TRIM2: variants seen among roughly 807,000 people sequenced by gnomAD.
The protein encoded by TRIM2 is tripartite motif containing 2, also known as tripartite motif-containing protein 2.
TRIM2 carries 20 observed loss-of-function variants against 75.2 expected under a neutral mutation model. That is an observed-to-expected ratio of 0.27 (90% CI 0.19 to 0.39). TRIM2 has a LOEUF of 0.39. Ranked by LOEUF, TRIM2 falls within the 10% of genes least tolerant of loss-of-function variation. The pLI, the probability that TRIM2 is intolerant of heterozygous loss-of-function variation, is 1.00. For missense variants in TRIM2, 660 were observed against 990.8 expected (o/e 0.67, Z 4.48); for synonymous variants, 373 against 388.3 (o/e 0.96, Z 0.46).
chr4:153,163,441 C>A (rs1056209280), intron 1 of TRIM2, among the ~76,000 whole-genome samples: 1 of 151,604 alleles, frequency 6.6e-6, no homozygotes, highest in Non-Finnish European at 1.5e-5. Flanking sequence ...GCCTCAGCCT[C>A]CCAAAGTGCT....
At chr4:153,245,687 ATTTAT>A (rs1748946990) in intron 1 of TRIM2, among the ~76,000 whole-genome samples, 1 of 152,138 alleles carries the variant, frequency 6.6e-6, no homozygotes, top group African/African-American at 2.4e-5. Flanking sequence ...TTATATACTT[ATTTAT>A]TTTGAGACAG....
intron 1 of TRIM2, among the ~76,000 whole-genome samples, chr4:153,244,437 T>TCTTCTTCTTCTTCCTCTTCTTC (rs1206105496): frequency 2.0e-5 from 2 of 102,522 alleles, no homozygotes; most frequent in African/African-American, 5.4e-5. Context: ...TTCTTCTTCT[T>TCTTCTTCTTCTTCCTCTTCTTC]TTAATTAGAG....
At chr4:153,320,584 C>T (rs544572079) in intron 8 of TRIM2, among the ~76,000 whole-genome samples, 4 of 152,164 alleles carry the variant, frequency 2.6e-5, no homozygotes, top group Non-Finnish European at 2.9e-5. Flanking sequence ...TCAGACTACA[C>T]TCATTGTTCC....
At chr4:153,322,108 T>A (rs1769125124) in intron 8 of TRIM2, among the ~76,000 whole-genome samples, 1 of 152,068 alleles carries the variant, frequency 6.6e-6, no homozygotes, top group South Asian at 2.1e-4. Flanking sequence ...GTGATCTCTT[T>A]TAAGAATAAG....
chr4:153,203,234 C>G (rs1486566883), upstream of TRIM2, among the ~76,000 whole-genome samples: 1 of 151,702 alleles, frequency 6.6e-6, no homozygotes, highest in African/African-American at 2.4e-5. Context: ...TGCTCATGGT[C>G]TGGCATGATT....
At chr4:153,287,511 A>G (rs1183794893) in intron 3 of TRIM2, among the ~76,000 whole-genome samples, 1 of 151,874 alleles carries the variant, frequency 6.6e-6, no homozygotes, top group Non-Finnish European at 1.5e-5. Context: ...CTATTCCTCC[A>G]TTACTGCCTT....
intron 1 of TRIM2, among the ~76,000 whole-genome samples, chr4:153,207,150 A>G (rs1341262808): frequency 1.3e-5 from 2 of 152,162 alleles, no homozygotes; most frequent in Admixed American, 1.3e-4. Flanking sequence ...CTTCCTCATG[A>G]TTCACACTTC....
chr4:153,190,862 C>T (rs1424171829), intron 1 of TRIM2, among the ~76,000 whole-genome samples: 10 of 152,180 alleles, frequency 6.6e-5, no homozygotes, highest in African/African-American at 1.7e-4. Context: ...CTCAGCACCC[C>T]GGGTAGCTGG....
Position 153,204,579 on chromosome 4 carries a change from G to A in TRIM2, c.30+19G>A. ...AACGCAGGTAAGGACGCTTCTCAAT[G>A]TGGGATAATTCTTTTTCTGGGCCAG... is the stretch of plus-strand genomic sequence containing the variant. On this transcript the variant is annotated intron_variant, in intron 1 of 11. Coordinates refer to ENST00000338700, the MANE Select transcript of TRIM2 (RefSeq NM_015271.5). The A allele has an allele frequency of 6.4e-7, 1 of 1,551,740 alleles. No individual in the cohort carries two copies. Among genetic ancestry groups the A allele is most frequent in the Non-Finnish European group, 8.7e-7 (1 of 1,147,002 alleles).
chr4:153,326,566 G>A (rs1313406476), intron 10 of TRIM2, among the ~76,000 whole-genome samples: 1 of 152,226 alleles, frequency 6.6e-6, no homozygotes, highest in Non-Finnish European at 1.5e-5. Context: ...GCTATCTGCA[G>A]AATATATTTT....
chr4:153,192,593 A>C (rs1366960549), intron 1 of TRIM2, among the ~76,000 whole-genome samples: 1 of 119,782 alleles, frequency 8.3e-6, no homozygotes, highest in African/African-American at 3.4e-5. Flanking sequence ...AGTGACAGAG[A>C]CCCTATCTCA....
At chr4:153,333,512 G>C (rs548424603) in intron 11 of TRIM2, among the ~76,000 whole-genome samples, 1 of 152,306 alleles carries the variant, frequency 6.6e-6, no homozygotes, top group Non-Finnish European at 1.5e-5. Context: ...AGGAAACTGA[G>C]TGAAGAGTAC....
At chr4:153,266,341 T>TG (rs954832857) in intron 1 of TRIM2, among the ~76,000 whole-genome samples, 1 of 122,882 alleles carries the variant, frequency 8.1e-6, no homozygotes, top group African/African-American at 3.5e-5. Flanking sequence ...GGCTAATTTT[T>TG]GGGTTTTTTT....
chr4:153,308,631 C>G, intron 6 of TRIM2: 2 of 614,982 alleles, frequency 3.3e-6, no homozygotes, highest in Non-Finnish European at 6.4e-6. Flanking sequence ...TCTTGATGGC[C>G]ATTTCAATGT....
At chr4:153,282,541 A>C (rs1164055205) in intron 3 of TRIM2, among the ~76,000 whole-genome samples, 1 of 152,200 alleles carries the variant, frequency 6.6e-6, no homozygotes, top group Admixed American at 6.5e-5. Context: ...AAAGTAAATA[A>C]ATACATAAAT....
chr4:153,208,511 A>G (rs1053539429), intron 1 of TRIM2, among the ~76,000 whole-genome samples: 1 of 152,116 alleles, frequency 6.6e-6, no homozygotes, highest in Non-Finnish European at 1.5e-5. Flanking sequence ...TAAAATTTTC[A>G]TAGTAAATTG....
intron 3 of TRIM2, among the ~76,000 whole-genome samples, chr4:153,281,107 A>G (rs1759238969): frequency 6.6e-6 from 1 of 152,266 alleles, no homozygotes; most frequent in Non-Finnish European, 1.5e-5. Context: ...TCATTTATGG[A>G]AAAATGTCAA....
chr4:153,268,733 C>A (rs944326883), intron 1 of TRIM2, among the ~76,000 whole-genome samples: 24 of 152,080 alleles, frequency 1.6e-4, no homozygotes, highest in Admixed American at 5.9e-4. Context: ...TAACTTTTTC[C>A]TCTCTTGTGC....
chr4:153,236,733 C>T (rs1745144929), intron 1 of TRIM2, among the ~76,000 whole-genome samples: 1 of 151,064 alleles, frequency 6.6e-6, no homozygotes, highest in South Asian at 2.1e-4. Flanking sequence ...CTCTTGTCAC[C>T]TTGGCTGGAG....
Sources: allele counts gnomAD v4.1 joint callset (sites outside exome capture counted in the v4.1 genomes callset), GRCh38; gene constraint gnomAD v4.1.1; transcripts MANE v1.5; gene names NCBI Gene and HGNC (gene_info 2026-07-23, HGNC 2026-07-21).